The following ACER1 variants were observed in gnomAD, a reference collection of about 807,000 sequenced individuals.
ACER1 encodes the protein alkaline ceramidase 1.
Under a neutral mutation model 24.9 loss-of-function variants are expected in ACER1, and 28 were observed. The ratio of observed to expected loss-of-function variants is 1.13; its 90% confidence interval spans 0.83 to 1.54. The LOEUF (loss-of-function observed/expected upper bound fraction) is 1.54. ACER1 is among the 40% of genes most tolerant of loss of function. The pLI is 0.00. For missense variants in ACER1, 352 were observed against 349.3 expected (o/e 1.01, Z -0.06); for synonymous variants, 132 against 131.4 (o/e 1.00, Z -0.03).
chr19:6,330,833 G>A (rs955547177), intron 1 of ACER1, among the ~76,000 whole-genome samples: 1 of 149,732 alleles, frequency 6.7e-6, no homozygotes, highest in South Asian at 2.1e-4. Flanking sequence ...CAGTGAGACC[G>A]TGAGGATCCT....
chr19:6,355,466 C>T, the ACER1 span, among the ~76,000 whole-genome samples: 1 of 148,996 alleles, frequency 6.7e-6, no homozygotes, highest in African/African-American at 2.5e-5. Context: ...AGACCCTCCG[C>T]CTGGCAACCG....
chr19:6,325,607 C>T (rs762718436), intron 1 of ACER1, among the ~76,000 whole-genome samples: 29 of 152,196 alleles, frequency 1.9e-4, no homozygotes, highest in Non-Finnish European at 3.2e-4. Context: ...GAGCCAAGAT[C>T]GTGCCACTGC....
chr19:6,337,163 G>A (rs2091717572), upstream of ACER1, among the ~76,000 whole-genome samples: 1 of 145,806 alleles, frequency 6.9e-6, no homozygotes, highest in South Asian at 2.1e-4. Context: ...GCGACAGGGT[G>A]AGACTCCCTC....
At chr19:6,309,973 C>T (rs2091569807) in intron 3 of ACER1, 139 bp from the exon 4 acceptor site, 2 of 1,119,396 alleles carry the variant, frequency 1.8e-6, no homozygotes, top group African/African-American at 3.1e-5. Flanking sequence ...GAAAAGGGTC[C>T]TAGCCAGGCA....
chr19:6,357,442 G>A, the ACER1 span, among the ~76,000 whole-genome samples: 2 of 151,734 alleles, frequency 1.3e-5, no homozygotes, highest in Non-Finnish European at 2.9e-5. Flanking sequence ...AGGAGATAAG[G>A]GGGGTCAGCA....
chr19:6,310,979 A>G lies in ACER1; in HGVS notation c.351-1145T>C, dbSNP rs571001581. Among the ~76,000 whole-genome samples the G allele has an allele frequency of 1.1e-3, 169 of 151,716 alleles. 1 individual carries two copies. Among genetic ancestry groups the G allele is most frequent in the Non-Finnish European group, 1.9e-3 (131 of 67,910 alleles). On this transcript the variant is annotated intron_variant, in intron 3 of 5. Transcript: ENST00000301452. ...TCAGGGAGCCCAGGTGAGCCCAGGC[A>G]GCGTCTAAAGGGGGATCCCAGGGAG...
Position 6,333,473 on chromosome 19 carries a change from C to T in ACER1, c.79G>A (p.Glu27Lys), listed in dbSNP as rs771355747. ...CACGCACTCACCGTGTTGTAGAACTCGGCCACCAGCTCCGAGTACTGGAAG... is the reference window on the plus strand; with the variant it reads ...CACGCACTCACCGTGTTGTAGAACTTGGCCACCAGCTCCGAGTACTGGAAG... ...SNFQYSELVAEFYNTFSNIPF... is the reference protein window; with the variant it reads ...SNFQYSELVAKFYNTFSNIPF... Residue 27 changes from glutamate to lysine, a missense_variant, in exon 1 of 6, where the codon GAG becomes AAG. By Grantham distance (56) the Glu-to-Lys change is moderately conservative. Coordinates refer to ENST00000301452, the MANE Select transcript of ACER1 (RefSeq NM_133492.3). 139 of 1,590,872 alleles carry T rather than the reference C, an allele frequency of 8.7e-5. No homozygotes were observed. The South Asian group carries it at 1.4e-3, about 16-fold the overall frequency.
At chr19:6,331,968 T>G (rs949295564) in intron 1 of ACER1, among the ~76,000 whole-genome samples, 1 of 132,216 alleles carries the variant, frequency 7.6e-6, no homozygotes, top group Admixed American at 7.2e-5. Context: ...GCATTCCTAT[T>G]TTTTTTTTTT....
chr19:6,352,783 T>G, the ACER1 span, among the ~76,000 whole-genome samples: 1 of 152,250 alleles, frequency 6.6e-6, no homozygotes, highest in East Asian at 1.9e-4. Flanking sequence ...CATTGGTGCA[T>G]CCAGCATTTC....
chr19:6,324,876 G>GAAGGAAGA (rs2145012663), intron 1 of ACER1, among the ~76,000 whole-genome samples: 3 of 143,122 alleles, frequency 2.1e-5, no homozygotes, highest in Non-Finnish European at 4.6e-5. Flanking sequence ...AGGAAGGAAG[G>GAAGGAAGA]AAGGAAGGAA....
At chr19:6,315,608 T>A (rs1415965735) in intron 1 of ACER1, among the ~76,000 whole-genome samples, 1 of 152,144 alleles carries the variant, frequency 6.6e-6, no homozygotes, top group East Asian at 1.9e-4. Context: ...CTCGATCTCC[T>A]GATCCTGTGA....
upstream of ACER1, among the ~76,000 whole-genome samples, chr19:6,334,255 A>C (rs1240840487): frequency 3.3e-5 from 5 of 152,072 alleles, no homozygotes; most frequent in Non-Finnish European, 5.9e-5. Flanking sequence ...TGTGTTAGCC[A>C]GGATGGTCTC....
intron 1 of ACER1, among the ~76,000 whole-genome samples, chr19:6,317,318 T>C (rs187955116): frequency 2.0e-5 from 3 of 152,072 alleles, no homozygotes; most frequent in Admixed American, 2.0e-4. Context: ...AAGACAGGTG[T>C]GGAAAGAAAA....
rs2091658286 is a variant in ACER1 at position 6,325,803 on chromosome 19, T to A, written c.93+7656A>T. Among the ~76,000 whole-genome samples the A allele has an allele frequency of 2.0e-5, 3 of 151,020 alleles. No homozygotes were observed. In the Admixed American group the frequency reaches 2.0e-4, roughly 10 times the overall value. ...GGAGCCCAGGAGTTCAAGGCTGCAG[T>A]GAGCTATGATCACACCGCTGTACTC... On this transcript the variant is annotated intron_variant, in intron 1 of 5. Transcript: ENST00000301452.
chr19:6,349,066 GAGA>G, the ACER1 span, among the ~76,000 whole-genome samples: 2 of 149,900 alleles, frequency 1.3e-5, no homozygotes, highest in South Asian at 2.1e-4. Flanking sequence ...GAAGAAGAAG[GAGA>G]AGAAGAAGGA....
chr19:6,338,803 G>A, the ACER1 span, among the ~76,000 whole-genome samples: 19 of 152,016 alleles, frequency 1.2e-4, no homozygotes, highest in Admixed American at 3.9e-4. Flanking sequence ...TCTAATTCCC[G>A]AGCTCAAGCG....
At chr19:6,314,607 G>A (rs1025549562) in intron 1 of ACER1, among the ~76,000 whole-genome samples, 1 of 152,038 alleles carries the variant, frequency 6.6e-6, no homozygotes, top group Non-Finnish European at 1.5e-5. Flanking sequence ...TCTCTCATAT[G>A]ACAAATACTT....
chr19:6,353,985 C>A, the ACER1 span, among the ~76,000 whole-genome samples: 1 of 151,654 alleles, frequency 6.6e-6, no homozygotes, highest in Non-Finnish European at 1.5e-5. Context: ...AGTTTGAGAC[C>A]AGCCTGGCCA....
At chr19:6,341,315 AAAC>A in the ACER1 span, among the ~76,000 whole-genome samples, 4 of 151,080 alleles carry the variant, frequency 2.6e-5, no homozygotes, top group African/African-American at 7.3e-5. Context: ...ATCTCAAAAA[AAAC>A]AACAACAAAA....
Sources: gnomAD v4.1 joint callset for allele counts (sites outside exome capture counted in the v4.1 genomes callset) on GRCh38, gnomAD v4.1.1 for gene constraint, MANE v1.5 for transcripts, NCBI Gene and HGNC (gene_info 2026-07-23, HGNC 2026-07-21) for gene names.